The following GTPBP1 variants were observed in gnomAD, a reference collection of about 807,000 sequenced individuals.
GTPBP1 encodes GTP-binding protein 1.
GTPBP1 carries 23 observed loss-of-function variants against 62.0 expected under a neutral mutation model. That is an observed-to-expected ratio of 0.37 (90% CI 0.27 to 0.53). The LOEUF (loss-of-function observed/expected upper bound fraction) is 0.53, where lower values mean the gene tolerates loss of function less well. Among genes scored for constraint, GTPBP1 ranks in the 20% least tolerant of loss-of-function variants. The probability of loss-of-function intolerance (pLI) is 0.89; values close to 1 mark genes in which losing one functional copy is unlikely to be tolerated. For synonymous variants in GTPBP1, 344 were observed against 364.4 expected, an observed-to-expected ratio of 0.94 and a Z score of 0.64; for missense variants, 640 against 917.3, an observed-to-expected ratio of 0.70 and a Z score of 3.90.
At chr22:38,721,640 C>A in intron 4 of GTPBP1, 102 bp from the exon 5 acceptor site, 2 of 1,111,812 alleles carry the variant, frequency 1.8e-6, no homozygotes, top group Non-Finnish European at 2.6e-6. Flanking sequence ...GTGATTTTTG[C>A]CCAGCCCAGC....
chr22:38,736,347 G>C, downstream of GTPBP1: 1 of 1,614,002 alleles, frequency 6.2e-7, no homozygotes, highest in Non-Finnish European at 8.5e-7. Flanking sequence ...AGGATCCGCA[G>C]CTCCACCACC....
At chr22:38,724,152 C>T (rs2092714956) in intron 5 of GTPBP1, 145 bp from the exon 6 acceptor site, 13 of 598,646 alleles carry the variant, frequency 2.2e-5, no homozygotes, top group Admixed American at 8.4e-5. Context: ...CTTTTTGCTT[C>T]TCCAGGCATT....
chr22:38,706,374 C>T, intron 1 of GTPBP1: 1 of 341,186 alleles, frequency 2.9e-6, no homozygotes, highest in Non-Finnish European at 5.3e-6. Context: ...GTCGCCAACC[C>T]AGCCTCCCGC....
Position 38,706,026 on chromosome 22 carries a change from G to T in GTPBP1, c.71G>T (p.Ser24Ile). The T allele has an allele frequency of 1.4e-6, 2 of 1,415,428 alleles. No individual in the cohort carries two copies. Among genetic ancestry groups the T allele is most frequent in the South Asian group, 1.4e-5 (1 of 71,892 alleles). The allele number at this position is 1,415,428 out of a possible 1,614,324, so 87.7% of individuals were successfully genotyped here. ...VPASMFAPEP[S>I]SPGAARAAAA... ...GCCTCTATGTTCGCCCCCGAGCCCAGCTCCCCGGGGGCGGCCAGGGCCGCG... is the reference window on the plus strand; with the variant it reads ...GCCTCTATGTTCGCCCCCGAGCCCATCTCCCCGGGGGCGGCCAGGGCCGCG... The change falls in exon 1 of 12, where the codon AGC (serine) becomes ATC (isoleucine). Residue 24 changes from serine (S) to isoleucine (I), a missense_variant. By Grantham distance (142) the Ser-to-Ile change is moderately radical. This residue lies in a region of GTPBP1 where 215 missense variants were observed against 235.1 expected (regional missense o/e 0.91). Coordinates refer to ENST00000216044, the MANE Select transcript of GTPBP1 (RefSeq NM_004286.5).
intron 1 of GTPBP1, 148 bp downstream of exon 1, chr22:38,706,295 G>A: frequency 4.3e-6 from 2 of 467,670 alleles, no homozygotes; most frequent in Non-Finnish European, 6.7e-6. Context: ...GCTAGTCTCC[G>A]GGACGTGCGG....
rs139093596 is a variant in GTPBP1 at position 38,716,031 on chromosome 22, C to A, written c.429C>A (p.Arg143=). 6.2e-6 allele frequency: 10 copies of A among 1,613,770 alleles called. No homozygotes were observed. The highest frequency in any genetic ancestry group is 7.6e-6 in the Non-Finnish European group (9 of 1,179,796). ...LLRERQEAGG[R]VRDYLVRKRV... ...GGGAACGGCAAGAAGCTGGGGGCCGCGTGCGTGATTACCTGGTCCGGAAAC... is the reference window on the plus strand; with the variant it reads ...GGGAACGGCAAGAAGCTGGGGGCCGAGTGCGTGATTACCTGGTCCGGAAAC... The change falls in exon 3 of 12, where the codon CGC becomes CGA. Residue 143 remains arginine, a synonymous_variant. Transcript: ENST00000216044. The surrounding 1 kb of genome is among the most constrained non-coding windows in gnomAD (Gnocchi z 5.2).
At position 38,729,512 on chromosome 22, in the gene GTPBP1, T is replaced by G. The variant is rs752498177; in HGVS notation, c.1767T>G (p.Ile589Met). ...NSPMNSKPQQ[I>M]KMQSTKKGPL... ...CAATGAACTCCAAGCCGCAGCAGAT[T>G]AAAATGCAGTCGACGAAAAAGGGCC... Residue 589 changes from isoleucine to methionine, a missense_variant, in exon 11 of 12, where the codon ATT becomes ATG. Ile to Met is a conservative substitution (Grantham distance 10). Around this residue, in one of 4 missense-constraint regions of GTPBP1, gnomAD observed 220 missense variants for 358.1 expected, o/e 0.61. Transcript: ENST00000216044. 1.9e-5 allele frequency: 30 copies of G among 1,608,960 alleles called. No individual in the cohort carries two copies. Among genetic ancestry groups the G allele is most frequent in the Non-Finnish European group, 2.4e-5 (28 of 1,177,994 alleles).
At chr22:38,710,514 A>G (rs1228690271) in intron 2 of GTPBP1, among the ~76,000 whole-genome samples, 2 of 152,172 alleles carry the variant, frequency 1.3e-5, no homozygotes, top group Non-Finnish European at 2.9e-5. Context: ...ACCTAAAGGA[A>G]GGCATGGTCA....
At chr22:38,737,497 C>A (rs1190663213), downstream of GTPBP1, among the ~76,000 whole-genome samples, 2 of 152,136 alleles carry the variant, frequency 1.3e-5, no homozygotes, top group African/African-American at 2.4e-5. This position sits in a 1 kb window ranked among gnomAD's most constrained non-coding sequence, Gnocchi z 4.1. Context: ...TGATGTTAGT[C>A]AAATGGACAT....
chr22:38,725,670 A>C, intron 6 of GTPBP1: 1 of 259,862 alleles, frequency 3.8e-6, no homozygotes, highest in Non-Finnish European at 7.5e-6. Flanking sequence ...TCTGTGGTGG[A>C]AAGGCGGTTA....
chr22:38,715,641 G>A lies in GTPBP1; in HGVS notation c.305-266G>A, dbSNP rs79569894. Among the ~76,000 whole-genome samples the A allele has an allele frequency of 2.1e-3, 317 of 152,302 alleles. 4 individuals carry two copies. Among genetic ancestry groups the A allele is most frequent in the African/African-American group, 7.5e-3 (310 of 41,560 alleles). On this transcript the variant is annotated intron_variant, in intron 2 of 11. Coordinates refer to ENST00000216044, the MANE Select transcript of GTPBP1 (RefSeq NM_004286.5). Reference sequence around the variant, plus strand: ...CCTGTAGTCCTAGTACCCAGCATGAGGCTTGGCATAAAACCTGGGAGAGCC... The same window carrying A: ...CCTGTAGTCCTAGTACCCAGCATGAAGCTTGGCATAAAACCTGGGAGAGCC...
Position 38,716,763 on chromosome 22 carries a change from C to A in GTPBP1, c.597C>A (p.His199Gln). Residue 199 changes from histidine to glutamine, a missense_variant, in exon 4 of 12, where the codon CAC becomes CAA. By Grantham distance (24) the His-to-Gln change is conservative. Around this residue, in one of 4 missense-constraint regions of GTPBP1, gnomAD observed 88 missense variants for 217.0 expected, o/e 0.41. Coordinates refer to ENST00000216044, the MANE Select transcript of GTPBP1 (RefSeq NM_004286.5). This position sits in a 1 kb window ranked among gnomAD's most constrained non-coding sequence, Gnocchi z 5.2. ...RGFARQKLFR[H>Q]KHEIESGRTS... ...TTGCCCGCCAGAAACTCTTCCGCCA[C>A]AAACATGAAATTGAATCTGGTCGCA... The A allele has an allele frequency of 6.2e-7, 1 of 1,614,088 alleles. No individual in the cohort carries two copies. The highest frequency in any genetic ancestry group is 8.5e-7 in the Non-Finnish European group (1 of 1,179,968).
downstream of GTPBP1, chr22:38,742,437 C>T (rs376072154): frequency 9.0e-5 from 145 of 1,613,548 alleles, no homozygotes; most frequent in Non-Finnish European, 1.1e-4. Flanking sequence ...AGCCCCTTGC[C>T]GCAGCTCCAG....
chr22:38,735,355 C>T, downstream of GTPBP1: 1 of 401,604 alleles, frequency 2.5e-6, no homozygotes, highest in Non-Finnish European at 4.9e-6. Context: ...ACCCCGATAC[C>T]CTGAACGTCC....
downstream of GTPBP1, chr22:38,740,923 C>T: frequency 7.1e-7 from 1 of 1,403,744 alleles, no homozygotes; most frequent in Admixed American, 2.0e-5. This position sits in a 1 kb window ranked among gnomAD's most constrained non-coding sequence, Gnocchi z 4.8. Context: ...ACTCTCTGCT[C>T]TGCGGCTCTG....
At chr22:38,741,439 T>C, downstream of GTPBP1, 1 of 1,561,080 alleles carries the variant, frequency 6.4e-7, no homozygotes, top group Non-Finnish European at 8.8e-7. Context: ...GAGGTGAACA[T>C]GTTGGATGGG....
chr22:38,741,097 T>C (rs563481539), downstream of GTPBP1: 38 of 1,564,844 alleles, frequency 2.4e-5, no homozygotes, highest in African/African-American at 8.1e-5. Context: ...ATCTCAGAAA[T>C]TGGTGTTCCA....
intron 1 of GTPBP1, 46 bp from the exon 2 acceptor site, chr22:38,708,799 G>A (rs752205056): frequency 9.7e-7 from 1 of 1,030,892 alleles, no homozygotes; most frequent in Non-Finnish European, 1.5e-6. Context: ...TGGCTGTGGT[G>A]CTCTTCTAGC....
downstream of GTPBP1, chr22:38,739,329 G>A (rs771130877): frequency 7.5e-5 from 121 of 1,612,586 alleles, no homozygotes; most frequent in Non-Finnish European, 9.6e-5. The surrounding 1 kb of genome is among the most constrained non-coding windows in gnomAD (Gnocchi z 6.7). Context: ...AGCGAGGAAA[G>A]CAGAGCACGT....
Sources: allele counts gnomAD v4.1 joint callset (sites outside exome capture counted in the v4.1 genomes callset), GRCh38; gene constraint gnomAD v4.1.1; regional missense constraint gnomAD v4.1.1; non-coding constraint Gnocchi (gnomAD v3.1); transcripts MANE v1.5; gene names NCBI Gene and HGNC (gene_info 2026-07-23, HGNC 2026-07-21).